The following CD226 variants were observed in gnomAD, a reference collection of about 807,000 sequenced individuals.
CD226 encodes CD226 molecule.
Under a neutral mutation model 34.9 loss-of-function variants are expected in CD226, and 24 were observed. That is an observed-to-expected ratio of 0.69 (90% CI 0.50 to 0.97). CD226 has a LOEUF of 0.97. Among genes scored for constraint, CD226 ranks in the 50% least tolerant of loss-of-function variants. CD226 has a pLI of 0.00. For missense variants in CD226, 397 were observed against 412.7 expected (o/e 0.96, Z 0.33); for synonymous variants, 148 against 147.4 (o/e 1.00, Z -0.03).
At chr18:69,953,088 C>T (rs955361844) in intron 1 of CD226, among the ~76,000 whole-genome samples, 11 of 152,202 alleles carry the variant, frequency 7.2e-5, no homozygotes, top group Admixed American at 2.6e-4. Context: ...TGGAGAAATT[C>T]GAACCCTTGT....
upstream of CD226, among the ~76,000 whole-genome samples, chr18:69,950,322 A>G (rs1227329981): frequency 1.3e-5 from 2 of 152,194 alleles, no homozygotes; most frequent in Non-Finnish European, 2.9e-5. Flanking sequence ...GTGTACGGCC[A>G]AAGTCTAACA....
At chr18:69,872,571 T>C (rs886519259) in intron 4 of CD226, among the ~76,000 whole-genome samples, 3 of 152,060 alleles carry the variant, frequency 2.0e-5, no homozygotes, top group Non-Finnish European at 2.9e-5. Context: ...TAAAAAAAAT[T>C]TAGTATAGGC....
intron 4 of CD226, among the ~76,000 whole-genome samples, chr18:69,868,803 GCACACACA>G (rs56351883): frequency 3.3e-5 from 5 of 150,902 alleles, no homozygotes; most frequent in Admixed American, 2.0e-4. Flanking sequence ...GCGCGTGCAC[GCACACACA>G]CACACACACA....
At chr18:69,935,040 A>T (rs2055635062) in intron 2 of CD226, among the ~76,000 whole-genome samples, 1 of 152,210 alleles carries the variant, frequency 6.6e-6, no homozygotes, top group African/African-American at 2.4e-5. Flanking sequence ...TAGAAACCAG[A>T]TCTTTTTATC....
Position 69,870,631 on chromosome 18 carries a change from C to A in CD226, c.830+2513G>T, listed in dbSNP as rs78819564. 5.1e-3 allele frequency among the ~76,000 whole-genome samples: 776 copies of A among 152,294 alleles called. 4 individuals are homozygous for A. Among genetic ancestry groups the A allele is most frequent in the Non-Finnish European group, 8.6e-3 (584 of 68,022 alleles). On this transcript the variant is annotated intron_variant, in intron 4 of 5. Transcript: ENST00000582621. ...GAGGCTGTTTCCCTAGCCATGGTCACTTAGTCGTGTTACTGTTGCTATCTC... is the reference window on the plus strand; with the variant it reads ...GAGGCTGTTTCCCTAGCCATGGTCAATTAGTCGTGTTACTGTTGCTATCTC...
intron 2 of CD226, among the ~76,000 whole-genome samples, chr18:69,912,936 T>C (rs1199111222): frequency 2.0e-5 from 3 of 152,206 alleles, no homozygotes; most frequent in East Asian, 1.9e-4. Flanking sequence ...AACCAGGAGC[T>C]AGCAGATAAA....
chr18:69,957,350 C>CTTTTTTTTTTTTT (rs11373057), upstream of CD226, among the ~76,000 whole-genome samples: 1 of 149,464 alleles, frequency 6.7e-6, no homozygotes. Context: ...TCTAGATACT[C>CTTTTTTTTTTTTT]TTTTTTTTTT....
intron 2 of CD226, among the ~76,000 whole-genome samples, chr18:69,905,314 T>C (rs928950243): frequency 9.9e-5 from 15 of 151,604 alleles, no homozygotes; most frequent in African/African-American, 3.2e-4. Context: ...TTTCTGCACT[T>C]GTCCTTGTTA....
intron 1 of CD226, among the ~76,000 whole-genome samples, chr18:69,955,364 C>T (rs1050203704): frequency 6.6e-6 from 1 of 152,192 alleles, no homozygotes; most frequent in African/African-American, 2.4e-5. Flanking sequence ...TGCTCTGATA[C>T]CTTTCGACAC....
At chr18:69,908,855 T>C (rs1231844968) in intron 2 of CD226, among the ~76,000 whole-genome samples, 2 of 152,250 alleles carry the variant, frequency 1.3e-5, no homozygotes, top group South Asian at 2.1e-4. Flanking sequence ...TTTATGATCT[T>C]GCATCAGCTA....
chr18:69,880,455 AC>A (rs775769173), intron 3 of CD226, among the ~76,000 whole-genome samples: 1 of 151,726 alleles, frequency 6.6e-6, no homozygotes, highest in Non-Finnish European at 1.5e-5. Context: ...AGAAGAGAGA[AC>A]CCTCGCACAC....
At position 69,857,405 on chromosome 18, in the gene CD226, A is replaced by C. The variant is rs571357516; in HGVS notation, c.*6909T>G. 2 of 152,330 alleles carry C rather than the reference A, an allele frequency of 1.3e-5. No individual in the cohort carries two copies. The highest frequency in any genetic ancestry group is 4.1e-4 in the South Asian group (2 of 4,828). 9.4% of individuals were successfully genotyped at this position (152,330 alleles called of 1,614,324 possible). ...CACATCCAAAGCTGTTACTCAGAAAACTTAGTATCACTGAGAGTATATTGG... is the reference window on the plus strand; with the variant it reads ...CACATCCAAAGCTGTTACTCAGAAACCTTAGTATCACTGAGAGTATATTGG... On this transcript the variant is annotated 3_prime_UTR_variant, in exon 6 of 6. Coordinates refer to ENST00000582621, the MANE Select transcript of CD226 (RefSeq NM_001303618.2).
chr18:69,864,345 G>A lies in CD226; in HGVS notation c.980C>T (p.Thr327Ile). The A allele has an allele frequency of 6.2e-7, 1 of 1,613,790 alleles. No individual in the cohort carries two copies. The highest frequency in any genetic ancestry group is 8.5e-7 in the Non-Finnish European group (1 of 1,179,772). ...TREDIYVNYP[T>I]FSRRPKTRV The stretch of plus-strand genomic sequence containing the variant: ...TCTAGTCTTTGGTCTGCGAGAGAAG[G>A]TTGGATAGTTGACATAAATATCCTC... The change falls in exon 6 of 6, where the codon ACC (threonine) becomes ATC (isoleucine). Residue 327 changes from threonine (T) to isoleucine (I), a missense_variant. Thr to Ile is a moderately conservative substitution (Grantham distance 89). Transcript: ENST00000582621.
chr18:69,864,638 C>T (rs971916766), intron 5 of CD226, among the ~76,000 whole-genome samples, 199 bp from the exon 6 acceptor site: 10 of 152,168 alleles, frequency 6.6e-5, no homozygotes, highest in Admixed American at 1.3e-4. Flanking sequence ...GAAATCTAGT[C>T]TAGATTAATA....
chr18:69,950,528 G>A (rs1178340372), upstream of CD226, among the ~76,000 whole-genome samples: 1 of 152,160 alleles, frequency 6.6e-6, no homozygotes, highest in East Asian at 1.9e-4. Context: ...TGGTGGTCGG[G>A]AAAGGCTCTC....
chr18:69,930,235 A>C (rs2055572937), intron 2 of CD226, among the ~76,000 whole-genome samples: 1 of 152,188 alleles, frequency 6.6e-6, no homozygotes, highest in Non-Finnish European at 1.5e-5. Context: ...GTTTGAGATA[A>C]ATGGATATGA....
At chr18:69,923,270 A>G (rs1360809587) in intron 2 of CD226, among the ~76,000 whole-genome samples, 1 of 152,190 alleles carries the variant, frequency 6.6e-6, no homozygotes, top group Non-Finnish European at 1.5e-5. Context: ...AGAAAATCTG[A>G]TAACAAAATA....
At chr18:69,920,314 T>G (rs1015123369) in intron 2 of CD226, among the ~76,000 whole-genome samples, 1 of 152,236 alleles carries the variant, frequency 6.6e-6, no homozygotes, top group Non-Finnish European at 1.5e-5. Context: ...ACTAGAGGTC[T>G]CTTTGTTCTT....
chr18:69,896,076 G>C, intron 2 of CD226, 31 bp from the exon 3 acceptor site: 1 of 1,574,780 alleles, frequency 6.4e-7, no homozygotes, highest in Non-Finnish European at 8.6e-7. Context: ...ATTAGATACA[G>C]GTTGTCAAAT....
Sources: gnomAD v4.1 joint callset for allele counts (sites outside exome capture counted in the v4.1 genomes callset) on GRCh38, gnomAD v4.1.1 for gene constraint, MANE v1.5 for transcripts, NCBI Gene and HGNC (gene_info 2026-07-23, HGNC 2026-07-21) for gene names.